CEP192: variants seen among roughly 807,000 people sequenced by gnomAD.
CEP192 encodes centrosomal protein of 192 kDa.
In CEP192, 151 loss-of-function variants were observed where a neutral mutation model predicts 271.8. The observed-to-expected ratio is 0.56, with a 90% CI of 0.49 to 0.64. The LOEUF (loss-of-function observed/expected upper bound fraction) is 0.64. Ranked by LOEUF, CEP192 falls within the 30% of genes least tolerant of loss-of-function variation. The pLI, the probability that CEP192 is intolerant of heterozygous loss-of-function variation, is 0.00. For synonymous variants in CEP192, 995 were observed against 1,076.5 expected (o/e 0.92, Z 1.48); for missense variants, 2,910 against 3,020.5 (o/e 0.96, Z 0.86).
In CEP192 at chr18:13,049,072, C is replaced by T. The variant is rs764774443; in HGVS notation, c.2281C>T (p.His761Tyr). ...AGATGAGAAACAAAAGGACTATTCT[C>T]ATGTGCGTCATTTCTTACCTAATGA... The part of the protein sequence containing the change: ...QEDEKQKDYS[H>Y]VRHFLPNDLE... Residue 761 changes from histidine to tyrosine, a missense_variant, in exon 16 of 45, where the codon CAT becomes TAT. Physicochemically the swap from His to Tyr is moderately conservative, Grantham distance 83. Transcript: ENST00000506447. 5.0e-6 allele frequency: 8 copies of T among 1,613,892 alleles called. No individual in the cohort carries two copies. The highest frequency in any genetic ancestry group is 6.8e-6 in the Non-Finnish European group (8 of 1,179,930).
In CEP192 at chr18:13,044,459, G is replaced by A. The variant is rs551743403; in HGVS notation, c.2067+2125G>A. 9.9e-5 allele frequency among the ~76,000 whole-genome samples: 15 copies of A among 152,112 alleles called. No homozygotes were observed. The East Asian group carries it at 2.9e-3, about 29-fold the overall frequency. ...TGTTTTAAATTACTGGATCAACAACGTGGTCTTCTAATCTTTGTTCACTAG... is the reference window on the plus strand; with the variant it reads ...TGTTTTAAATTACTGGATCAACAACATGGTCTTCTAATCTTTGTTCACTAG... On this transcript the variant is annotated intron_variant, in intron 15 of 44. Coordinates refer to ENST00000506447, the MANE Select transcript of CEP192 (RefSeq NM_032142.4).
rs763911568 is a variant in CEP192 at position 13,053,177 on chromosome 18, C to CTA, written c.3189+92_3189+93dup. 70 of 1,098,500 alleles carry CTA rather than the reference C, an allele frequency of 6.4e-5. No homozygotes were observed. The Middle Eastern group carries it at 1.0e-3, about 16-fold the overall frequency. 68.0% of individuals were successfully genotyped at this position (1,098,500 alleles called of 1,614,324 possible). ...GTTTGATTCAGACTACAGTTCAAGC[C>CTA]TATATAACTTCAGTGTTGCTCTTTT... On this transcript the variant is annotated intron_variant, in intron 18 of 44. Transcript: ENST00000506447.
chr18:13,083,977 ATCCT>A (rs1166896199), intron 30 of CEP192, among the ~76,000 whole-genome samples: 1 of 152,024 alleles, frequency 6.6e-6, no homozygotes, highest in African/African-American at 2.4e-5. Context: ...TTGCTGCCTG[ATCCT>A]TCCTCTGGCA....
intron 1 of CEP192, among the ~76,000 whole-genome samples, chr18:12,992,309 T>C (rs2032914141): frequency 6.6e-6 from 1 of 152,208 alleles, no homozygotes; most frequent in South Asian, 2.1e-4. Context: ...AAAGTATATC[T>C]TAAAGTGCCA....
In CEP192 at chr18:13,075,241, A is replaced by G. The variant is rs114318614; in HGVS notation, c.5616+2056A>G. On this transcript the variant is annotated intron_variant, in intron 30 of 44. Coordinates refer to ENST00000506447, the MANE Select transcript of CEP192 (RefSeq NM_032142.4). ...GGACACAGCATTTCTTCCCTCTGGA[A>G]CATGCAGGATTCAAGGTGAGATCTT... 5.9e-3 allele frequency among the ~76,000 whole-genome samples: 904 copies of G among 152,286 alleles called. 9 individuals are homozygous for G. The highest frequency in any genetic ancestry group is 0.021 in the African/African-American group (869 of 41,560).
intron 18 of CEP192, among the ~76,000 whole-genome samples, chr18:13,054,691 ATTAT>A (rs2036987697): frequency 2.6e-5 from 4 of 152,316 alleles, no homozygotes; most frequent in South Asian, 2.1e-4. Flanking sequence ...CTGGATACAT[ATTAT>A]TTGTTATTAT....
At chr18:13,110,967 G>A (rs2040183307) in intron 40 of CEP192, among the ~76,000 whole-genome samples, 1 of 152,176 alleles carries the variant, frequency 6.6e-6, no homozygotes, top group Non-Finnish European at 1.5e-5. Context: ...CAGCTGATTG[G>A]ATGTGCTCAC....
chr18:13,063,277 T>C (rs1415083797), intron 21 of CEP192, among the ~76,000 whole-genome samples: 4 of 152,220 alleles, frequency 2.6e-5, no homozygotes, highest in African/African-American at 4.8e-5. Context: ...TATTAGTTTT[T>C]TGAGGAACCT....
At chr18:13,067,806 A>G (rs1340605655) in intron 21 of CEP192, 25 bp from the exon 22 acceptor site, 2 of 1,587,410 alleles carry the variant, frequency 1.3e-6, no homozygotes, top group Non-Finnish European at 8.6e-7. Flanking sequence ...CTTTTCATAA[A>G]TCATTCCCTT....
At chr18:13,019,821 CTTTTTT>C (rs796634795) in intron 9 of CEP192, among the ~76,000 whole-genome samples, 1 of 145,814 alleles carries the variant, frequency 6.9e-6, no homozygotes, top group African/African-American at 2.5e-5. Flanking sequence ...CTATCTTAAT[CTTTTTT>C]TTTTTTCTTT....
rs778155330 is a variant in CEP192 at position 13,068,139 on chromosome 18, C to T, written c.4660C>T (p.Arg1554Ter). Reference sequence around the variant, plus strand: ...TTTCACGTTTTCCAAGGAATCCGTCCGAGCTCCTGTGGAAGTTGCTCCTTG... The same window carrying T: ...TTTCACGTTTTCCAAGGAATCCGTCTGAGCTCCTGTGGAAGTTGCTCCTTG... Reference protein sequence around the residue: ...RCFTFSKESVRAPVEVAPCAD... With the variant: ...RCFTFSKESV The change falls in exon 23 of 45, where the codon CGA becomes TGA. Residue 1554 changes from arginine to a stop codon, truncating the protein, a stop_gained. Transcript: ENST00000506447. LOFTEE classifies it high-confidence loss of function. The T allele has an allele frequency of 2.6e-5, 42 of 1,614,062 alleles. No individual in the cohort carries two copies. The highest frequency in any genetic ancestry group is 4.5e-5 in the East Asian group (2 of 44,906).
At chr18:13,074,108 T>C (rs2038149689) in intron 30 of CEP192, among the ~76,000 whole-genome samples, 1 of 152,062 alleles carries the variant, frequency 6.6e-6, no homozygotes, top group South Asian at 2.1e-4. Context: ...ACTGCACAGG[T>C]GTTTGGCAGT....
At chr18:13,000,121 T>C (rs2033544977) in intron 2 of CEP192, among the ~76,000 whole-genome samples, 1 of 120,522 alleles carries the variant, frequency 8.3e-6, no homozygotes, top group Non-Finnish European at 1.8e-5. Context: ...TTTTTTTTGC[T>C]AATTAAAAAA....
intron 37 of CEP192, 43 bp from the exon 38 acceptor site, chr18:13,100,262 A>G (rs894901371): frequency 9.6e-6 from 13 of 1,359,868 alleles, no homozygotes; most frequent in African/African-American, 1.4e-5. Flanking sequence ...GTTTAAAGTG[A>G]TAGATACGTT....
In CEP192 at chr18:13,070,660, CTT is replaced by C. The variant is rs531541587; in HGVS notation, c.5175-377_5175-376del. Among the ~76,000 whole-genome samples the C allele has an allele frequency of 2.6e-3, 401 of 152,344 alleles. 1 individual carries two copies. Among genetic ancestry groups the C allele is most frequent in the African/African-American group, 9.2e-3 (384 of 41,582 alleles). On this transcript the variant is annotated intron_variant, in intron 27 of 44. Coordinates refer to ENST00000506447, the MANE Select transcript of CEP192 (RefSeq NM_032142.4). ...ATCCCCCTGCCTGGGTTATAGAACA[CTT>C]TATCGTGTGCTCAGTCTGTTCTTGT... is the stretch of plus-strand genomic sequence containing the variant.
At chr18:13,121,117 A>G (rs946301968) in intron 44 of CEP192, among the ~76,000 whole-genome samples, 1 of 152,214 alleles carries the variant, frequency 6.6e-6, no homozygotes, top group African/African-American at 2.4e-5. Context: ...ACTTTAGACA[A>G]AGGTTCACAA....
intron 9 of CEP192, among the ~76,000 whole-genome samples, chr18:13,025,964 T>C (rs899960230): frequency 4.6e-5 from 7 of 152,340 alleles, no homozygotes; most frequent in Non-Finnish European, 2.9e-5. Flanking sequence ...ATGCTCTTCC[T>C]TTCTTTGTAG....
At chr18:13,115,133 A>G (rs2040370044) in intron 42 of CEP192, among the ~76,000 whole-genome samples, 1 of 152,090 alleles carries the variant, frequency 6.6e-6, no homozygotes, top group South Asian at 2.1e-4. Context: ...AGAGCCCTTT[A>G]ATGAATGCAT....
chr18:13,057,253 G>T lies in CEP192; in HGVS notation c.4109-332G>T, dbSNP rs890483080. 2.8e-3 allele frequency among the ~76,000 whole-genome samples: 85 copies of T among 30,028 alleles called. No homozygotes were observed. In the East Asian group the frequency reaches 0.046, roughly 16 times the overall value. 19.7% of individuals were successfully genotyped at this position (30,028 alleles called of 152,430 possible). On this transcript the variant is annotated intron_variant, in intron 19 of 44. Transcript: ENST00000506447. The stretch of plus-strand genomic sequence containing the variant: ...GTTAAAGCCTCTGGAGGTTTTTTTT[G>T]TTTGTTTTTTTTTTTAGGATAAGAA...
Sources: gnomAD v4.1 joint callset for allele counts (sites outside exome capture counted in the v4.1 genomes callset) on GRCh38, gnomAD v4.1.1 for gene constraint, MANE v1.5 for transcripts, NCBI Gene and HGNC (gene_info 2026-07-23, HGNC 2026-07-21) for gene names.